Variants in OCLN observed in about 807,000 individuals in gnomAD.
The protein encoded by OCLN is phosphatase 1, regulatory subunit 115.
Under a neutral mutation model 47.9 loss-of-function variants are expected in OCLN, and 21 were observed. That is an observed-to-expected ratio of 0.44 (90% CI 0.31 to 0.63). OCLN has a LOEUF of 0.63. Among genes scored for constraint, OCLN ranks in the 30% least tolerant of loss-of-function variants. OCLN has a pLI of 0.08. For missense variants in OCLN, 360 were observed against 571.0 expected, an observed-to-expected ratio of 0.63 and a Z score of 3.77; for synonymous variants, 117 against 198.4, an observed-to-expected ratio of 0.59 and a Z score of 3.45.
chr5:69,521,564 G>A (rs1374256152), intron 4 of OCLN, among the ~76,000 whole-genome samples: 2 of 152,194 alleles, frequency 1.3e-5, no homozygotes, highest in Non-Finnish European at 2.9e-5. Context: ...GAGCTCAAGA[G>A]TTGAGGCTGC....
chr5:69,516,876 A>T (rs542401398), intron 4 of OCLN, among the ~76,000 whole-genome samples: 10 of 152,076 alleles, frequency 6.6e-5, no homozygotes, highest in African/African-American at 2.2e-4. Context: ...AGGCAACATA[A>T]TGGGACCCTG....
intron 4 of OCLN, among the ~76,000 whole-genome samples, chr5:69,527,123 A>G (rs1209944191): frequency 6.6e-6 from 1 of 152,074 alleles, no homozygotes; most frequent in Admixed American, 6.5e-5. Context: ...CTAAAAATAT[A>G]AAAATTAGCT....
chr5:69,518,953 A>G (rs1176398208), intron 4 of OCLN, among the ~76,000 whole-genome samples: 9 of 152,104 alleles, frequency 5.9e-5, no homozygotes, highest in African/African-American at 1.9e-4. Context: ...CTGGGGCAAG[A>G]AGGCAAGACC....
At chr5:69,529,838 G>A (rs1422798492) in intron 4 of OCLN, among the ~76,000 whole-genome samples, 4 of 152,040 alleles carry the variant, frequency 2.6e-5, no homozygotes, top group Non-Finnish European at 5.9e-5. Flanking sequence ...CCCGACTTCA[G>A]GTGATCCCTC....
chr5:69,546,943 A>G (rs1312032981), intron 6 of OCLN, among the ~76,000 whole-genome samples: 1 of 146,010 alleles, frequency 6.8e-6, no homozygotes, highest in Admixed American at 6.9e-5. Context: ...TTCTCTATGG[A>G]TTATGGGTTA....
chr5:69,515,631 G>T (rs1412755069), intron 4 of OCLN, among the ~76,000 whole-genome samples: 1 of 151,352 alleles, frequency 6.6e-6, no homozygotes, highest in Non-Finnish European at 1.5e-5. Flanking sequence ...GGCCGGGCGG[G>T]GGGCTGACCC....
At chr5:69,502,658 A>G (rs1415634893) in intron 1 of OCLN, among the ~76,000 whole-genome samples, 1 of 152,240 alleles carries the variant, frequency 6.6e-6, no homozygotes, top group East Asian at 1.9e-4. Context: ...AAGGAGTGGC[A>G]TGAAGTTCTG....
At chr5:69,533,068 T>C (rs976969742) in intron 4 of OCLN, among the ~76,000 whole-genome samples, 28 of 146,398 alleles carry the variant, frequency 1.9e-4, no homozygotes, top group Non-Finnish European at 2.4e-4. Context: ...CATATATATA[T>C]ACACACACAT....
intron 1 of OCLN, among the ~76,000 whole-genome samples, chr5:69,502,068 G>A (rs1315082435): frequency 6.6e-6 from 1 of 151,878 alleles, no homozygotes; most frequent in Non-Finnish European, 1.5e-5. Context: ...GCGTGGCAGC[G>A]TGCGCCTGTA....
chr5:69,521,258 C>T (rs1287185419), intron 4 of OCLN, among the ~76,000 whole-genome samples: 1 of 152,210 alleles, frequency 6.6e-6, no homozygotes, highest in Non-Finnish European at 1.5e-5. Context: ...CCAAGTCTGT[C>T]AGCACATAGA....
intron 4 of OCLN, among the ~76,000 whole-genome samples, chr5:69,517,083 A>G (rs1768992598): frequency 6.6e-6 from 1 of 152,000 alleles, no homozygotes; most frequent in Admixed American, 6.6e-5. Context: ...AAATGAAAAG[A>G]TGTTTGGAGT....
intron 8 of OCLN, 35 bp from the exon 9 acceptor site, chr5:69,553,535 G>A (rs1257244221): frequency 6.2e-7 from 1 of 1,601,778 alleles, no homozygotes; most frequent in Non-Finnish European, 8.5e-7. Context: ...TTTTCATTTT[G>A]TTGAATTTAT....
chr5:69,555,233 C>T lies in OCLN; in HGVS notation c.*1562C>T, dbSNP rs1769944693. On this transcript the variant is annotated 3_prime_UTR_variant, in exon 9 of 9. Coordinates refer to ENST00000396442, the MANE Select transcript of OCLN (RefSeq NM_001205254.2). ...ACAGGCGTGAGCCACCATGCCTGGCCTAAGTGTGTGTGTGTGTGTGTGTGT... is the reference window on the plus strand; with the variant it reads ...ACAGGCGTGAGCCACCATGCCTGGCTTAAGTGTGTGTGTGTGTGTGTGTGT... 1 of 125,970 alleles carries T rather than the reference C, an allele frequency of 7.9e-6. No homozygotes were observed. Among genetic ancestry groups the T allele is most frequent in the Non-Finnish European group, 1.7e-5 (1 of 58,248 alleles). 7.8% of individuals were successfully genotyped at this position (125,970 alleles called of 1,614,324 possible).
rs1210952608 is a variant in OCLN, at chr5:69,554,544, A to G, written c.*873A>G. On this transcript the variant is annotated 3_prime_UTR_variant, in exon 9 of 9. Transcript: ENST00000396442. ...AATTTCTATACATATTTTATAAGGT[A>G]TTAAACCTGGTGTTTTCTTTCCATA... is the stretch of plus-strand genomic sequence containing the variant. 1.3e-5 allele frequency: 2 copies of G among 151,974 alleles called. No homozygotes were observed. Among genetic ancestry groups the G allele is most frequent in the Admixed American group, 6.6e-5 (1 of 15,250 alleles). The allele number at this position is 151,974 out of a possible 1,614,324, so 9.4% of individuals were successfully genotyped here. A position where few individuals can be genotyped will look rare whatever the true frequency, so the allele number is the denominator to read the frequency against.
intron 2 of OCLN, among the ~76,000 whole-genome samples, chr5:69,505,250 C>G (rs1311209735): frequency 6.6e-6 from 1 of 151,840 alleles, no homozygotes; most frequent in Non-Finnish European, 1.5e-5. Context: ...AACTCCGTCT[C>G]AAAAAATAAA....
chr5:69,549,584 GATC>G (rs960842332), intron 7 of OCLN, among the ~76,000 whole-genome samples: 1 of 138,690 alleles, frequency 7.2e-6, no homozygotes, highest in Non-Finnish European at 1.6e-5. Context: ...TCCCTCCCTT[GATC>G]ACCTGGCTGA....
chr5:69,523,913 C>A (rs1769209973), intron 4 of OCLN, among the ~76,000 whole-genome samples: 1 of 152,132 alleles, frequency 6.6e-6, no homozygotes, highest in South Asian at 2.1e-4. Flanking sequence ...CTTTGGGAGA[C>A]CAAGGTGCGT....
At chr5:69,503,737 A>G (rs1018564096) in intron 1 of OCLN, among the ~76,000 whole-genome samples, 1 of 152,204 alleles carries the variant, frequency 6.6e-6, no homozygotes, top group Non-Finnish European at 1.5e-5. Flanking sequence ...GATAAGGGAA[A>G]AATATCTACA....
intron 4 of OCLN, among the ~76,000 whole-genome samples, chr5:69,518,748 A>G (rs1394151221): frequency 1.3e-5 from 2 of 152,226 alleles, no homozygotes; most frequent in African/African-American, 4.8e-5. Flanking sequence ...AAAATAGTGG[A>G]TGAGAATCTA....
Sources: gnomAD v4.1 joint callset for allele counts (sites outside exome capture counted in the v4.1 genomes callset) on GRCh38, gnomAD v4.1.1 for gene constraint, MANE v1.5 for transcripts, NCBI Gene and HGNC (gene_info 2026-07-23, HGNC 2026-07-21) for gene names.